The following ZNF583 variants were observed in gnomAD, a reference collection of about 807,000 sequenced individuals.
The protein encoded by ZNF583 is zinc finger protein 583.
ZNF583 carries 30 observed loss-of-function variants against 55.3 expected under a neutral mutation model. That is an observed-to-expected ratio of 0.54 (90% CI 0.41 to 0.74). The LOEUF (loss-of-function observed/expected upper bound fraction) is 0.74. ZNF583 is among the 30% of genes least tolerant of loss of function. The pLI, the probability that ZNF583 is intolerant of heterozygous loss-of-function variation, is 0.00. For synonymous variants in ZNF583, 208 were observed against 220.0 expected (o/e 0.95, Z 0.48); for missense variants, 504 against 664.7 (o/e 0.76, Z 2.66).
intron 2 of ZNF583, among the ~76,000 whole-genome samples, chr19:56,412,206 G>T (rs2042248877): frequency 6.6e-6 from 1 of 152,210 alleles, no homozygotes; most frequent in South Asian, 2.1e-4. Flanking sequence ...GTATGTTCAG[G>T]TGTGTACCAT....
At chr19:56,413,774 A>C (rs1221129715) in intron 2 of ZNF583, among the ~76,000 whole-genome samples, 185 bp from the exon 3 acceptor site, 2 of 152,264 alleles carry the variant, frequency 1.3e-5, no homozygotes, top group Non-Finnish European at 2.9e-5. Context: ...AGAATATCAA[A>C]ACAAAGCACA....
Position 56,423,210 on chromosome 19 carries a change from T to C in ZNF583, c.552T>C (p.His184=), listed in dbSNP as rs752556318. 1 of 1,613,102 alleles carries C rather than the reference T, an allele frequency of 6.2e-7. No homozygotes were observed. Among genetic ancestry groups the C allele is most frequent in the East Asian group, 2.2e-5 (1 of 44,872 alleles). The change falls in exon 5 of 5, where the codon CAT becomes CAC. Residue 184 remains histidine, a synonymous_variant. Coordinates refer to ENST00000333201, the MANE Select transcript of ZNF583 (RefSeq NM_152478.3). The stretch of plus-strand genomic sequence containing the variant: ...GTTTTCCCACCAAAGAAAAAGCACA[T>C]AAGCATGAACCACAAAAGAAAAGTT... ...QQSFPTKEKA[H]KHEPQKKSYR...
intron 4 of ZNF583, among the ~76,000 whole-genome samples, chr19:56,418,877 G>A (rs2147597372): frequency 6.6e-6 from 1 of 152,294 alleles, no homozygotes; most frequent in East Asian, 1.9e-4. Context: ...GTCAGTGTAA[G>A]CTGTCAGTTT....
intron 4 of ZNF583, among the ~76,000 whole-genome samples, chr19:56,422,330 C>T (rs2147609850): frequency 6.6e-6 from 1 of 152,214 alleles, no homozygotes; most frequent in South Asian, 2.1e-4. Flanking sequence ...ATCTTAGCTG[C>T]AGGGATCAAT....
At position 56,414,014 on chromosome 19, in the gene ZNF583, G is replaced by A; in HGVS notation, c.65G>A (p.Trp22Ter). The change falls in exon 3 of 5, where the codon TGG becomes TAG. Residue 22 changes from tryptophan to a stop codon, truncating the protein, a stop_gained. Coordinates refer to ENST00000333201, the MANE Select transcript of ZNF583 (RefSeq NM_152478.3). LOFTEE classifies it high-confidence loss of function. ...AVNFSQEEWE[W>*]LNPAQRNLYR... ...AATTTCTCTCAAGAGGAATGGGAATGGCTGAACCCTGCTCAGAGGAATTTG... is the reference window on the plus strand; with the variant it reads ...AATTTCTCTCAAGAGGAATGGGAATAGCTGAACCCTGCTCAGAGGAATTTG... 1 of 1,613,668 alleles carries A rather than the reference G, an allele frequency of 6.2e-7. No individual in the cohort carries two copies. The highest frequency in any genetic ancestry group is 8.5e-7 in the Non-Finnish European group (1 of 1,179,810).
chr19:56,424,883 A>G lies in ZNF583; in HGVS notation c.*515A>G, dbSNP rs1236948768. The G allele has an allele frequency of 6.5e-6, 1 of 154,454 alleles. No individual in the cohort carries two copies. Among genetic ancestry groups the G allele is most frequent in the African/African-American group, 2.4e-5 (1 of 41,474 alleles). 9.6% of individuals were successfully genotyped at this position (154,454 alleles called of 1,614,324 possible). Reference sequence around the variant, plus strand: ...ACCTCAGAAGTTAATAGAAGAATGAAATAATGCATGTAAATTGCTCAGCAG... The same window carrying G: ...ACCTCAGAAGTTAATAGAAGAATGAGATAATGCATGTAAATTGCTCAGCAG... On this transcript the variant is annotated 3_prime_UTR_variant, in exon 5 of 5. Coordinates refer to ENST00000333201, the MANE Select transcript of ZNF583 (RefSeq NM_152478.3).
At chr19:56,418,687 T>C (rs1257826183) in intron 4 of ZNF583, among the ~76,000 whole-genome samples, 1 of 152,014 alleles carries the variant, frequency 6.6e-6, no homozygotes, top group African/African-American at 2.4e-5. Flanking sequence ...ATTTTTTGGA[T>C]GGACAATCAT....
upstream of ZNF583, chr19:56,404,041 A>AC (rs2042105153): frequency 1.3e-5 from 2 of 152,532 alleles, no homozygotes; most frequent in African/African-American, 2.4e-5. The surrounding 1 kb of genome is among the most constrained non-coding windows in gnomAD (Gnocchi z 5.2). Context: ...CCGCGCTGGC[A>AC]CCCCGGCCTG....
rs756662404 is a variant in ZNF583, at chr19:56,424,310, C to G, written c.1652C>G (p.Ser551Cys). 2.5e-6 allele frequency: 4 copies of G among 1,605,370 alleles called. No individual in the cohort carries two copies. Among genetic ancestry groups the G allele is most frequent in the Non-Finnish European group, 3.4e-6 (4 of 1,172,284 alleles). Residue 551 changes from serine (S) to cysteine (C), a missense_variant, in exon 5 of 5, where the codon TCC becomes TGC. Transcript: ENST00000333201. ...ACTATGGAGTCATTCTTGACTCTTT[C>G]CTCTCCCTCACCCTCCACATCAAAT... ...IHTMESFLTL[S>C]SPSPSTSNQL...
chr19:56,420,259 C>T (rs542182124), intron 4 of ZNF583, among the ~76,000 whole-genome samples: 16 of 152,212 alleles, frequency 1.1e-4, no homozygotes, highest in African/African-American at 3.9e-4. Context: ...AAATCAATAA[C>T]CTCTAACCTC....
At position 56,425,879 on chromosome 19, in the gene ZNF583, C is replaced by G. The variant is rs957907089; in HGVS notation, c.*1511C>G. The G allele has an allele frequency of 9.9e-5, 15 of 152,158 alleles. No individual in the cohort carries two copies. Among genetic ancestry groups the G allele is most frequent in the African/African-American group, 3.4e-4 (14 of 41,438 alleles). The allele number at this position is 152,158 out of a possible 1,614,324, so 9.4% of individuals were successfully genotyped here. A position where few individuals can be genotyped will look rare whatever the true frequency, so the allele number is the denominator to read the frequency against. ...GTTTTCCCTTTCTCCAACATTCAAACCACTCCCTGATTCTTTACATCTGAC... is the reference window on the plus strand; with the variant it reads ...GTTTTCCCTTTCTCCAACATTCAAAGCACTCCCTGATTCTTTACATCTGAC... On this transcript the variant is annotated 3_prime_UTR_variant, in exon 5 of 5. Transcript: ENST00000333201.
chr19:56,406,911 A>C, intron 1 of ZNF583, 115 bp from the exon 2 acceptor site: 1 of 557,376 alleles, frequency 1.8e-6, no homozygotes. Context: ...TGATACCTCT[A>C]ATTTACTCCT....
chr19:56,407,669 A>G (rs1176635592), intron 2 of ZNF583, among the ~76,000 whole-genome samples: 1 of 152,182 alleles, frequency 6.6e-6, no homozygotes, highest in Non-Finnish European at 1.5e-5. Context: ...GAAGAACAGT[A>G]TTCCAGGGAA....
rs775853935 is a variant in ZNF583, at chr19:56,423,131, A to G, written c.473A>G (p.Tyr158Cys). 1 of 1,611,952 alleles carries G rather than the reference A, an allele frequency of 6.2e-7. No individual in the cohort carries two copies. The highest frequency in any genetic ancestry group is 2.2e-5 in the East Asian group (1 of 44,854). Residue 158 changes from tyrosine to cysteine, a missense_variant, in exon 5 of 5, where the codon TAT (tyrosine) becomes TGT (cysteine). By Grantham distance (194) the Tyr-to-Cys change is radical (BLOSUM62 -2). Coordinates refer to ENST00000333201, the MANE Select transcript of ZNF583 (RefSeq NM_152478.3). ...EILPEVQNKE[Y>C]NKSWQTFHQD... ...CTTCCAGAAGTTCAAAATAAAGAAT[A>G]TAACAAATCTTGGCAAACATTCCAC...
At chr19:56,413,528 GA>G (rs2042269975) in intron 2 of ZNF583, among the ~76,000 whole-genome samples, 1 of 152,060 alleles carries the variant, frequency 6.6e-6, no homozygotes, top group African/African-American at 2.4e-5. Context: ...ACTGAGTTTG[GA>G]AAAATGCCAG....
At position 56,414,045 on chromosome 19, in the gene ZNF583, G is replaced by A; in HGVS notation, c.96G>A (p.Arg32=). Residue 32 remains arginine, a synonymous_variant, in exon 3 of 5, where the codon AGG becomes AGA. Transcript: ENST00000333201. ...WLNPAQRNLY[R]KVMLENYRSL... ...ACCCTGCTCAGAGGAATTTGTACAG[G>A]AAAGTGATGTTGGAGAACTACAGGA... 1.2e-6 allele frequency: 2 copies of A among 1,608,010 alleles called. No homozygotes were observed. Among genetic ancestry groups the A allele is most frequent in the Non-Finnish European group, 1.7e-6 (2 of 1,177,678 alleles).
intron 1 of ZNF583, among the ~76,000 whole-genome samples, chr19:56,406,819 G>GC (rs1568801027): frequency 1.3e-5 from 2 of 152,160 alleles, no homozygotes; most frequent in African/African-American, 4.8e-5. Context: ...GAGCCACCGC[G>GC]CCTGGCCCGT....
At chr19:56,416,324 CAAA>C (rs34537682) in intron 4 of ZNF583, among the ~76,000 whole-genome samples, 5 of 65,398 alleles carry the variant, frequency 7.6e-5, no homozygotes, top group Admixed American at 2.9e-4. Flanking sequence ...GACTCCGTCT[CAAA>C]AAAAAAAAAA....
At chr19:56,411,078 G>C (rs894271061) in intron 2 of ZNF583, among the ~76,000 whole-genome samples, 10 of 151,196 alleles carry the variant, frequency 6.6e-5, no homozygotes, top group African/African-American at 2.4e-4. Context: ...CTTCAGCCCA[G>C]GAGTTTGAGA....
Sources: gnomAD v4.1 joint callset for allele counts (sites outside exome capture counted in the v4.1 genomes callset) on GRCh38, gnomAD v4.1.1 for gene constraint, Gnocchi (gnomAD v3.1) non-coding constraint, MANE v1.5 for transcripts, NCBI Gene and HGNC (gene_info 2026-07-23, HGNC 2026-07-21) for gene names.